SPATA21: variants seen among roughly 807,000 people sequenced by gnomAD.
The protein encoded by SPATA21 is spermatogenesis-associated protein 21.
SPATA21 carries 47 observed loss-of-function variants against 54.8 expected under a neutral mutation model. The observed-to-expected ratio is 0.86, with a 90% CI of 0.68 to 1.09. SPATA21 has a LOEUF of 1.09. Ranked by LOEUF, SPATA21 falls within the 50% of genes least tolerant of loss-of-function variation. SPATA21 has a pLI of 0.00. For synonymous variants in SPATA21, 245 were observed against 235.3 expected, an observed-to-expected ratio of 1.04 and a Z score of -0.38; for missense variants, 599 against 596.4, an observed-to-expected ratio of 1.00 and a Z score of -0.05.
At chr1:16,433,152 A>G (rs779037923) in intron 1 of SPATA21, among the ~76,000 whole-genome samples, 9 of 152,264 alleles carry the variant, frequency 5.9e-5, no homozygotes, top group Non-Finnish European at 1.3e-4. Flanking sequence ...GTCAGGCCTT[A>G]GGGGATACAC....
At chr1:16,400,986 G>T in intron 10 of SPATA21, 94 bp from the exon 11 acceptor site, 1 of 1,453,546 alleles carries the variant, frequency 6.9e-7, no homozygotes, top group Non-Finnish European at 9.3e-7. Flanking sequence ...TCTGGAGCAG[G>T]AACACAAGCC....
chr1:16,409,166 G>C lies in SPATA21; in HGVS notation c.625C>G (p.Gln209Glu). The change falls in exon 7 of 13, where the codon CAA (glutamine) becomes GAA (glutamate). Residue 209 changes from glutamine (Q) to glutamate (E), a missense_variant. By Grantham distance (29) the Gln-to-Glu change is conservative. Transcript: ENST00000335496. This position sits in a 1 kb window ranked among gnomAD's most constrained non-coding sequence, Gnocchi z 4.1. ...TGCTCCTCGGACTTCTCCCGGTTTT[G>C]ATAAAGCTTTTGGAGGCTCTGCTCT... ...PEEQSLQKLYQNREKSEEQLT... is the reference protein window; with the variant it reads ...PEEQSLQKLYENREKSEEQLT... 1.2e-6 allele frequency: 2 copies of C among 1,614,152 alleles called. No homozygotes were observed. Among genetic ancestry groups the C allele is most frequent in the East Asian group, 2.2e-5 (1 of 44,862 alleles).
At chr1:16,415,539 C>G (rs372644535) in intron 5 of SPATA21, among the ~76,000 whole-genome samples, 31 of 152,226 alleles carry the variant, frequency 2.0e-4, no homozygotes, top group African/African-American at 7.5e-4. Context: ...AAGTCTGTCT[C>G]AGAATGTCTC....
chr1:16,432,276 C>T (rs2086479613), intron 2 of SPATA21, among the ~76,000 whole-genome samples: 1 of 152,008 alleles, frequency 6.6e-6, no homozygotes, highest in Non-Finnish European at 1.5e-5. Flanking sequence ...CGGCCGCCAC[C>T]ATGCCCGGCT....
intron 7 of SPATA21, among the ~76,000 whole-genome samples, chr1:16,406,593 T>A (rs369143367): frequency 2.9e-5 from 2 of 69,590 alleles, no homozygotes; most frequent in South Asian, 1.1e-3. Flanking sequence ...ATTTTAGAAA[T>A]TAGCCAGCCA....
intron 5 of SPATA21, among the ~76,000 whole-genome samples, chr1:16,411,371 G>T (rs1449623838): frequency 1.3e-5 from 2 of 151,818 alleles, no homozygotes; most frequent in Non-Finnish European, 2.9e-5. Flanking sequence ...ATTTTTTGTA[G>T]AGACAGGGTC....
At chr1:16,425,343 T>A in intron 3 of SPATA21, 1 of 685,716 alleles carries the variant, frequency 1.5e-6, no homozygotes, top group South Asian at 1.7e-5. Context: ...TGCAGTGGCC[T>A]GAACATAGCT....
At chr1:16,410,832 C>A in intron 5 of SPATA21, 1 of 405,226 alleles carries the variant, frequency 2.5e-6, no homozygotes, top group Non-Finnish European at 5.0e-6. Flanking sequence ...AAGCGTGTTC[C>A]ACCGCGCCCG....
At chr1:16,402,526 G>C (rs1231133795) in intron 10 of SPATA21, among the ~76,000 whole-genome samples, 1 of 151,564 alleles carries the variant, frequency 6.6e-6, no homozygotes, top group Non-Finnish European at 1.5e-5. Flanking sequence ...CTCCCAAAGT[G>C]CTGGGATTAC....
At position 16,399,518 on chromosome 1, in the gene SPATA21, G is replaced by A; in HGVS notation, c.1178C>T (p.Pro393Leu). 6.2e-7 allele frequency: 1 copy of A among 1,612,348 alleles called. No homozygotes were observed. Among genetic ancestry groups the A allele is most frequent in the Admixed American group, 1.7e-5 (1 of 59,696 alleles). ...LSRLKQQNYA[P>L]NLQSPYAQVP... Reference sequence around the variant, plus strand: ...CTGGGCATAGGGGCTCTGCAGGTTGGGAGCTGGTGAAGAAGGAGGCAGAAG... The same window carrying A: ...CTGGGCATAGGGGCTCTGCAGGTTGAGAGCTGGTGAAGAAGGAGGCAGAAG... Residue 393 changes from proline (P) to leucine (L), a missense_variant, in exon 12 of 13, where the codon CCC (proline) becomes CTC (leucine). By Grantham distance (98) the Pro-to-Leu change is moderately conservative. Transcript: ENST00000335496.
At chr1:16,424,231 T>G (rs1216371614) in intron 3 of SPATA21, among the ~76,000 whole-genome samples, 9 of 450 alleles carry the variant, frequency 0.02, no homozygotes, top group South Asian at 0.056. Flanking sequence ...GAGAATGGCA[T>G]GAACCTGGGA....
At chr1:16,406,123 C>G in intron 7 of SPATA21, among the ~76,000 whole-genome samples, 1 of 145,678 alleles carries the variant, frequency 6.9e-6, no homozygotes, top group East Asian at 2.0e-4. Flanking sequence ...TTTTTCTTTT[C>G]TTTTTTTTTT....
intron 7 of SPATA21, among the ~76,000 whole-genome samples, chr1:16,407,954 T>G (rs1022510840): frequency 1.3e-5 from 2 of 152,052 alleles, no homozygotes; most frequent in Non-Finnish European, 2.9e-5. Context: ...TTTGTAGATG[T>G]GGGGGTCTTA....
In SPATA21 at chr1:16,431,449, C is replaced by T. The variant is rs150692355; in HGVS notation, c.-51-27G>A. On this transcript the variant is annotated intron_variant, in intron 2 of 12. Transcript: ENST00000335496. ...TACAGGAGAAATCCAATCAAGCGTC[C>T]CACCAAGCCCATCACCTAACTGCTG... The T allele has an allele frequency of 2.5e-6, 4 of 1,587,106 alleles. No homozygotes were observed. The East Asian group carries it at 9.0e-5, about 36-fold the overall frequency.
Position 16,405,045 on chromosome 1 carries a change from TCAGG to T in SPATA21, c.729_732del (p.Ser243ArgfsTer7), listed in dbSNP as rs2085585395. 8 of 1,610,024 alleles carry T rather than the reference TCAGG, an allele frequency of 5.0e-6. No homozygotes were observed. The highest frequency in any genetic ancestry group is 5.9e-6 in the Non-Finnish European group (7 of 1,178,724). On this transcript the variant is annotated frameshift_variant, in exon 8 of 13. Coordinates refer to ENST00000335496, the MANE Select transcript of SPATA21 (RefSeq NM_198546.1). LOFTEE classifies it high-confidence loss of function. ...AAGCCCATTAGGAGCAGGATATTCTTCAGGCTCTGTGCATCCACCTCACCAGGAC... is the reference window on the plus strand; with the variant it reads ...AAGCCCATTAGGAGCAGGATATTCTTCTCTGTGCATCCACCTCACCAGGAC...
chr1:16,407,498 C>T (rs147859456), intron 7 of SPATA21, among the ~76,000 whole-genome samples: 2 of 152,216 alleles, frequency 1.3e-5, no homozygotes, highest in African/African-American at 4.8e-5. Context: ...CTCTCTCTGT[C>T]ACCCAGGCTG....
chr1:16,405,512 A>C (rs2085608762), intron 7 of SPATA21, among the ~76,000 whole-genome samples: 1 of 129,536 alleles, frequency 7.7e-6, no homozygotes, highest in Non-Finnish European at 1.9e-5. Flanking sequence ...AAAAAAAAAA[A>C]AAACTGGGCA....
At chr1:16,403,894 C>T (rs375298150) in intron 9 of SPATA21, 50 bp from the exon 10 acceptor site, 18 of 1,611,902 alleles carry the variant, frequency 1.1e-5, no homozygotes, top group Admixed American at 1.0e-4. Context: ...GTCCTGAATG[C>T]CCTCTTCTCT....
chr1:16,435,505 C>T (rs113059387), intron 1 of SPATA21, among the ~76,000 whole-genome samples: 171 of 152,008 alleles, frequency 1.1e-3, no homozygotes, highest in Non-Finnish European at 2.2e-3. Context: ...TTAGTAGAGA[C>T]GCGGTTTTGC....
Sources: allele counts gnomAD v4.1 joint callset (sites outside exome capture counted in the v4.1 genomes callset), GRCh38; gene constraint gnomAD v4.1.1; non-coding constraint Gnocchi (gnomAD v3.1); transcripts MANE v1.5; gene names NCBI Gene and HGNC (gene_info 2026-07-23, HGNC 2026-07-21).